LDB1: variants seen among roughly 807,000 people sequenced by gnomAD.
LDB1 encodes the protein LIM domain-binding protein 1.
A neutral mutation model predicts 49.7 loss-of-function variants in LDB1; 6 were observed. That is an observed-to-expected ratio of 0.12 (90% CI 0.07 to 0.24). The LOEUF is 0.24. LDB1 is among the 10% of genes least tolerant of loss of function. LDB1 has a pLI of 1.00. For missense variants in LDB1, 341 were observed against 561.7 expected (o/e 0.61, Z 3.97); for synonymous variants, 233 against 202.0 (o/e 1.15, Z -1.30).
At chr10:102,108,423 A>C in intron 10 of LDB1, 100 bp from the exon 11 acceptor site, 19 of 835,396 alleles carry the variant, frequency 2.3e-5, no homozygotes, top group Non-Finnish European at 3.2e-5. Flanking sequence ...CTGGAAGCTC[A>C]AGAGTCCCCA....
At chr10:102,120,489 GCCCAAGC>G, upstream of LDB1, 1 of 658,108 alleles carries the variant, frequency 1.5e-6, no homozygotes, top group Non-Finnish European at 1.9e-6. Context: ...CGGCTCCCCA[GCCCAAGC>G]CGGGCAGGGC....
At chr10:102,112,744 G>C (rs965711652) in intron 1 of LDB1, among the ~76,000 whole-genome samples, 1 of 152,180 alleles carries the variant, frequency 6.6e-6, no homozygotes, top group South Asian at 2.1e-4. Context: ...TGAGAAGTAG[G>C]TGGTCTGGGA....
chr10:102,119,143 G>C lies in LDB1; in HGVS notation c.25+943C>G, dbSNP rs192550205. The stretch of plus-strand genomic sequence containing the variant: ...TACATTCAGGGACACTGACTTCCAG[G>C]AGAAAGCTGACTCCAGTCTGGGGCA... On this transcript the variant is annotated intron_variant, in intron 1 of 10. Transcript: ENST00000673968. 4.0e-3 allele frequency among the ~76,000 whole-genome samples: 605 copies of C among 152,244 alleles called. 8 individuals carry two copies. Among genetic ancestry groups the C allele is most frequent in the African/African-American group, 0.014 (582 of 41,540 alleles).
chr10:102,105,917 C>T (rs1052501652), downstream of LDB1, among the ~76,000 whole-genome samples: 1 of 151,986 alleles, frequency 6.6e-6, no homozygotes, highest in Non-Finnish European at 1.5e-5. Flanking sequence ...GTGGAGGTTG[C>T]AGTGACCTCA....
In LDB1 at chr10:102,108,008, A is replaced by G; in HGVS notation, c.*85T>C. On this transcript the variant is annotated 3_prime_UTR_variant, in exon 11 of 11. Transcript: ENST00000673968. ...TGGAGGCTGCCCATTTTAGATGCTCAGTCTCTTCATTCTGTCTTCTGCTCC... is the reference window on the plus strand; with the variant it reads ...TGGAGGCTGCCCATTTTAGATGCTCGGTCTCTTCATTCTGTCTTCTGCTCC... The G allele has an allele frequency of 9.5e-7, 1 of 1,055,236 alleles. No individual in the cohort carries two copies. 65.4% of individuals were successfully genotyped at this position (1,055,236 alleles called of 1,614,324 possible).
At chr10:102,120,627 G>A (rs1267962385), upstream of LDB1, among the ~76,000 whole-genome samples, 1 of 152,148 alleles carries the variant, frequency 6.6e-6, no homozygotes, top group Non-Finnish European at 1.5e-5. Flanking sequence ...GGGCGGCGAG[G>A]GGCTGGGAGC....
rs143162156 is a variant in LDB1 at position 102,107,815 on chromosome 10, G to C, written c.*278C>G. The stretch of plus-strand genomic sequence containing the variant: ...GTGAAGATGGAGGCAAATGCCCTGG[G>C]GGGTGGTCAGGACATGTCTCAGAGG... On this transcript the variant is annotated 3_prime_UTR_variant, in exon 11 of 11. Coordinates refer to ENST00000673968, the MANE Select transcript of LDB1 (RefSeq NM_001113407.3). 4 of 510,770 alleles carry C rather than the reference G, an allele frequency of 7.8e-6. No homozygotes were observed. The East Asian group carries it at 1.0e-4, about 13-fold the overall frequency. 31.6% of individuals were successfully genotyped at this position (510,770 alleles called of 1,614,324 possible).
chr10:102,117,941 G>A lies in LDB1; in HGVS notation c.25+2145C>T, dbSNP rs1425244915. Among the ~76,000 whole-genome samples the A allele has an allele frequency of 1.3e-5, 2 of 152,132 alleles. No homozygotes were observed. Among genetic ancestry groups the A allele is most frequent in the Non-Finnish European group, 2.9e-5 (2 of 68,016 alleles). On this transcript the variant is annotated intron_variant, in intron 1 of 10. Transcript: ENST00000673968. The surrounding 1 kb of genome is among the most constrained non-coding windows in gnomAD (Gnocchi z 4.2). ...CTGGCTTCCCTCAGTCACATGTGTG[G>A]GGCATGTGCTGTCTCTGCCGGGCTG...
chr10:102,111,550 A>T lies in LDB1; in HGVS notation c.26-14T>A. 6.7e-7 allele frequency: 1 copy of T among 1,497,468 alleles called. No individual in the cohort carries two copies. Among genetic ancestry groups the T allele is most frequent in the Non-Finnish European group, 9.0e-7 (1 of 1,116,072 alleles). 92.8% of individuals were successfully genotyped at this position (1,497,468 alleles called of 1,614,324 possible). A position where few individuals can be genotyped will look rare whatever the true frequency, so the allele number is the denominator to read the frequency against. ...TTGAGGAACAACCTAGACGAGAAAGAAAGGAGTCATAGCTGGGCGCGGTGG... is the reference window on the plus strand; with the variant it reads ...TTGAGGAACAACCTAGACGAGAAAGTAAGGAGTCATAGCTGGGCGCGGTGG... On this transcript the variant is annotated splice_polypyrimidine_tract_variant and intron_variant, in intron 1 of 10. Transcript: ENST00000673968.
chr10:102,105,695 A>G (rs2068151940), downstream of LDB1, among the ~76,000 whole-genome samples: 1 of 151,596 alleles, frequency 6.6e-6, no homozygotes, highest in Admixed American at 6.6e-5. Context: ...GGCAGAGTGG[A>G]CCACGCCTAT....
intron 1 of LDB1, among the ~76,000 whole-genome samples, chr10:102,119,750 G>T (rs1336745093): frequency 6.7e-6 from 1 of 148,358 alleles, no homozygotes; most frequent in Non-Finnish European, 1.5e-5. Flanking sequence ...GACCTGAGGG[G>T]GGGGGTCAAA....
chr10:102,111,916 G>A (rs920292237), intron 1 of LDB1, among the ~76,000 whole-genome samples: 1 of 152,184 alleles, frequency 6.6e-6, no homozygotes, highest in Admixed American at 6.5e-5. Context: ...AGACTGTGTG[G>A]ATAGGGACGG....
At chr10:102,114,132 G>A (rs993916058) in intron 1 of LDB1, among the ~76,000 whole-genome samples, 1 of 152,256 alleles carries the variant, frequency 6.6e-6, no homozygotes, top group Non-Finnish European at 1.5e-5. Context: ...CCTTTAGGAA[G>A]GGGGAGAGAA....
intron 1 of LDB1, chr10:102,114,886 TCACTCA>T (rs1351322015): frequency 1.0e-6 from 1 of 956,872 alleles, no homozygotes; most frequent in Non-Finnish European, 1.2e-6. Context: ...GCACTCACAC[TCACTCA>T]CACTCGCACA....
At chr10:102,113,884 AC>A (rs2068293176) in intron 1 of LDB1, among the ~76,000 whole-genome samples, 1 of 152,008 alleles carries the variant, frequency 6.6e-6, no homozygotes, top group Non-Finnish European at 1.5e-5. Context: ...CTCTATTTAC[AC>A]CTCCAGTGAA....
rs2068398245 is a variant in LDB1 at position 102,120,162 on chromosome 10, C to A, written c.-52G>T. 3.2e-6 allele frequency: 4 copies of A among 1,240,122 alleles called. No individual in the cohort carries two copies. The South Asian group carries it at 1.2e-4, about 37-fold the overall frequency. 76.8% of individuals were successfully genotyped at this position (1,240,122 alleles called of 1,614,324 possible). On this transcript the variant is annotated 5_prime_UTR_variant, in exon 1 of 11. Transcript: ENST00000673968. ...CAGCCGAGTCACGGTGCCCGCCCCT[C>A]GCGGGGACAGGCCGGGCATGAGCCG...
At chr10:102,102,979 C>T (rs913902716), downstream of LDB1, among the ~76,000 whole-genome samples, 1 of 152,076 alleles carries the variant, frequency 6.6e-6, no homozygotes, top group South Asian at 2.1e-4. Context: ...CCACTATGCC[C>T]AGCTTAAACC....
intron 6 of LDB1, 125 bp from the exon 7 acceptor site, chr10:102,110,168 A>G (rs1564912313): frequency 9.6e-7 from 1 of 1,043,774 alleles, no homozygotes; most frequent in African/African-American, 1.6e-5. Context: ...TGCACATTAA[A>G]TCTGGGTGCA....
At chr10:102,116,267 C>T (rs1271840554) in intron 1 of LDB1, among the ~76,000 whole-genome samples, 1 of 152,188 alleles carries the variant, frequency 6.6e-6, no homozygotes, top group Non-Finnish European at 1.5e-5. Context: ...CTGCAACCTC[C>T]AGCTCCTGGG....
Sources: gnomAD v4.1 joint callset for allele counts (sites outside exome capture counted in the v4.1 genomes callset) on GRCh38, gnomAD v4.1.1 for gene constraint, Gnocchi (gnomAD v3.1) non-coding constraint, MANE v1.5 for transcripts, NCBI Gene and HGNC (gene_info 2026-07-23, HGNC 2026-07-21) for gene names.